EGF: variants seen among roughly 807,000 people sequenced by gnomAD.
EGF encodes the protein epidermal growth factor.
A neutral mutation model predicts 143.8 loss-of-function variants in EGF; 95 were observed. The observed-to-expected ratio is 0.66, with a 90% CI of 0.56 to 0.78. EGF has a LOEUF of 0.78. Among genes scored for constraint, EGF ranks in the 30% least tolerant of loss-of-function variants. The probability of loss-of-function intolerance (pLI) is 0.00; values close to 1 mark genes in which losing one functional copy is unlikely to be tolerated. For synonymous variants in EGF, 510 were observed against 510.5 expected (o/e 1.00, Z 0.01); for missense variants, 1,320 against 1,470.9 (o/e 0.90, Z 1.68).
intron 1 of EGF, among the ~76,000 whole-genome samples, chr4:109,937,171 CT>C (rs1311825784): frequency 6.6e-6 from 1 of 151,948 alleles, no homozygotes; most frequent in African/African-American, 2.4e-5. Context: ...GAGTCTAAGT[CT>C]CTTTGTAGGT....
In EGF at chr4:110,012,393, A is replaced by G. The variant is rs1578424879; in HGVS notation, c.*938A>G. ...TTTTTTTTTTTTTTCCGGAGAGAGGATAGGATCTCACTCTGTTATCCAGGC... is the reference window on the plus strand; with the variant it reads ...TTTTTTTTTTTTTTCCGGAGAGAGGGTAGGATCTCACTCTGTTATCCAGGC... On this transcript the variant is annotated 3_prime_UTR_variant, in exon 24 of 24. Coordinates refer to ENST00000265171, the MANE Select transcript of EGF (RefSeq NM_001963.6). 2 of 146,630 alleles carry G rather than the reference A, an allele frequency of 1.4e-5. No individual in the cohort carries two copies. The highest frequency in any genetic ancestry group is 2.5e-5 in the African/African-American group (1 of 39,466). 9.1% of individuals were successfully genotyped at this position (146,630 alleles called of 1,614,324 possible). A position where few individuals can be genotyped will look rare whatever the true frequency, so the allele number is the denominator to read the frequency against.
Position 109,976,164 on chromosome 4 carries a change from C to T in EGF, c.1982C>T (p.Ala661Val), listed in dbSNP as rs761236090. 2.5e-6 allele frequency: 4 copies of T among 1,614,104 alleles called. No homozygotes were observed. The highest frequency in any genetic ancestry group is 3.4e-6 in the Non-Finnish European group (4 of 1,180,006). The change falls in exon 13 of 24, where the codon GCC (alanine) becomes GTC (valine). Residue 661 changes from alanine to valine, a missense_variant. Physicochemically the swap from Ala to Val is moderately conservative, Grantham distance 64. Transcript: ENST00000265171. ...ACTGACAAGTTGTACTGGTGCGATG[C>T]CAAGCAGTCTGTGATTGAAATGGCC... ...FLTDKLYWCDAKQSVIEMANL... is the reference protein window; with the variant it reads ...FLTDKLYWCDVKQSVIEMANL...
intron 15 of EGF, among the ~76,000 whole-genome samples, chr4:109,981,445 G>C (rs1255479141): frequency 6.6e-6 from 1 of 152,188 alleles, no homozygotes; most frequent in Non-Finnish European, 1.5e-5. Context: ...GAGAAGGCTT[G>C]TGATGTACTT....
chr4:109,916,347 T>C (rs545431972), intron 1 of EGF, among the ~76,000 whole-genome samples: 103 of 152,250 alleles, frequency 6.8e-4, no homozygotes, highest in Admixed American at 2.7e-3. Flanking sequence ...TATTCAGTGG[T>C]GTTTGGTCAT....
chr4:110,009,591 G>A (rs1753746517), intron 23 of EGF, among the ~76,000 whole-genome samples: 1 of 151,940 alleles, frequency 6.6e-6, no homozygotes, highest in South Asian at 2.1e-4. Context: ...CCCCCGCACT[G>A]TACTGCAAAC....
chr4:109,923,539 T>G (rs906884952), intron 1 of EGF, among the ~76,000 whole-genome samples: 1 of 151,598 alleles, frequency 6.6e-6, no homozygotes, highest in African/African-American at 2.4e-5. Flanking sequence ...GAAAGTTGAG[T>G]GTTTAGTGTC....
At chr4:109,945,384 C>A in intron 5 of EGF, 109 bp downstream of exon 5, 1 of 964,502 alleles carries the variant, frequency 1.0e-6, no homozygotes, top group Non-Finnish European at 1.6e-6. Context: ...TTTTCTTCAA[C>A]CCTCATATAT....
At chr4:109,961,368 CA>C (rs1486410403) in intron 7 of EGF, among the ~76,000 whole-genome samples, 2 of 152,016 alleles carry the variant, frequency 1.3e-5, no homozygotes, top group Non-Finnish European at 2.9e-5. Context: ...CAAAACAAAA[CA>C]AAAACCATGG....
intron 22 of EGF, among the ~76,000 whole-genome samples, chr4:110,005,409 A>G (rs1753150743): frequency 6.6e-6 from 1 of 152,024 alleles, no homozygotes; most frequent in African/African-American, 2.4e-5. Flanking sequence ...TTTCTCACAC[A>G]CATTTCAACT....
chr4:109,989,283 C>G (rs933375063), intron 18 of EGF, among the ~76,000 whole-genome samples: 1 of 152,146 alleles, frequency 6.6e-6, no homozygotes, highest in African/African-American at 2.4e-5. Flanking sequence ...GGGTGTGGCA[C>G]GTTGGATTGG....
intron 5 of EGF, among the ~76,000 whole-genome samples, chr4:109,958,120 TA>T (rs1354638691): frequency 6.6e-6 from 1 of 152,216 alleles, no homozygotes; most frequent in African/African-American, 2.4e-5. Context: ...GGTGTATTTG[TA>T]TATAACCTAG....
At position 109,990,935 on chromosome 4, in the gene EGF, TCAAATA is replaced by T. The variant is rs1750844486; in HGVS notation, c.2734+2229_2734+2234del. The stretch of plus-strand genomic sequence containing the variant: ...ACTTTCCTCTTGGTAGATGCTTTCT[TCAAATA>T]CAGTCACTTTGGGAGTTAGGGCTCA... On this transcript the variant is annotated intron_variant, in intron 18 of 23. Transcript: ENST00000265171. Among the ~76,000 whole-genome samples the T allele has an allele frequency of 2.0e-5, 3 of 152,300 alleles. No individual in the cohort carries two copies. In the South Asian group the frequency reaches 6.2e-4, roughly 32 times the overall value.
intron 22 of EGF, among the ~76,000 whole-genome samples, chr4:110,006,425 A>G (rs545879291): frequency 2.0e-5 from 3 of 152,304 alleles, no homozygotes; most frequent in African/African-American, 4.8e-5. Context: ...CCTTTAACCT[A>G]TGCAGACTTC....
intron 5 of EGF, among the ~76,000 whole-genome samples, chr4:109,947,753 T>C (rs1743090964): frequency 1.3e-5 from 2 of 152,246 alleles, no homozygotes; most frequent in Admixed American, 6.5e-5. Context: ...TAGAGATATG[T>C]CTGCCATCAT....
chr4:109,959,198 G>A (rs754240202), intron 5 of EGF, 114 bp from the exon 6 acceptor site: 68 of 1,524,300 alleles, frequency 4.5e-5, no homozygotes, highest in Non-Finnish European at 6.0e-5. Context: ...CTCCGTGAGA[G>A]ATGCAGCTGT....
intron 22 of EGF, 57 bp from the exon 23 acceptor site, chr4:110,008,095 T>G: frequency 1.2e-4 from 180 of 1,464,770 alleles, no homozygotes; most frequent in Non-Finnish European, 1.6e-4. Context: ...CAATGTACGT[T>G]GAGATAATTT....
At chr4:109,970,909 T>C (rs1747541061) in intron 11 of EGF, among the ~76,000 whole-genome samples, 1 of 151,504 alleles carries the variant, frequency 6.6e-6, no homozygotes, top group Non-Finnish European at 1.5e-5. Flanking sequence ...CCATTTTACA[T>C]CCAAGGTGAG....
Position 109,940,975 on chromosome 4 carries a change from G to T in EGF, c.157G>T (p.Gly53Ter). 6.2e-7 allele frequency: 1 copy of T among 1,614,004 alleles called. No individual in the cohort carries two copies. The highest frequency in any genetic ancestry group is 1.1e-5 in the South Asian group (1 of 91,078). The change falls in exon 2 of 24, where the codon GGA becomes TGA. Residue 53 changes from glycine to a stop codon, truncating the protein, a stop_gained. Transcript: ENST00000265171. LOFTEE classifies it high-confidence loss of function. ...GPAPFLIFSH[G>*]NSIFRIDTEG... ...TGCACCCTTCTTAATTTTCTCCCATGGAAATAGTATCTTTAGGATTGACAC... is the reference window on the plus strand; with the variant it reads ...TGCACCCTTCTTAATTTTCTCCCATTGAAATAGTATCTTTAGGATTGACAC...
At chr4:109,990,692 GT>G (rs955274022) in intron 18 of EGF, among the ~76,000 whole-genome samples, 5 of 152,156 alleles carry the variant, frequency 3.3e-5, no homozygotes, top group African/African-American at 1.2e-4. Flanking sequence ...GGCTGATTTG[GT>G]TTTGGGTGAA....
Sources: gnomAD v4.1 joint callset for allele counts (sites outside exome capture counted in the v4.1 genomes callset) on GRCh38, gnomAD v4.1.1 for gene constraint, MANE v1.5 for transcripts, NCBI Gene and HGNC (gene_info 2026-07-23, HGNC 2026-07-21) for gene names.